Variants in PLEKHH2 observed in about 807,000 individuals in gnomAD.
PLEKHH2 encodes pleckstrin homology, MyTH4 and FERM domain containing H2, also known as pleckstrin homology domain-containing family H member 2.
A neutral mutation model predicts 187.9 loss-of-function variants in PLEKHH2; 129 were observed. That is an observed-to-expected ratio of 0.69 (90% CI 0.59 to 0.79). The LOEUF (loss-of-function observed/expected upper bound fraction) is 0.79. PLEKHH2 is among the 30% of genes least tolerant of loss of function. The probability of loss-of-function intolerance (pLI) is 0.00; values close to 1 mark genes in which losing one functional copy is unlikely to be tolerated. For synonymous variants in PLEKHH2, 686 were observed against 605.6 expected (o/e 1.13, Z -1.95); for missense variants, 2,076 against 1,751.2 (o/e 1.19, Z -3.31).
intron 2 of PLEKHH2, among the ~76,000 whole-genome samples, chr2:43,645,832 C>G (rs1350422814): frequency 6.6e-6 from 1 of 152,062 alleles, no homozygotes; most frequent in Non-Finnish European, 1.5e-5. Flanking sequence ...TTATTCAGAA[C>G]TGATCAGAAG....
chr2:43,678,591 TCGCAGGCACTC>T (rs1389984294), intron 2 of PLEKHH2, among the ~76,000 whole-genome samples: 2 of 152,100 alleles, frequency 1.3e-5, no homozygotes, highest in East Asian at 3.9e-4. Flanking sequence ...GCGCCTGCAA[TCGCAGGCACTC>T]GGCAGGCTGA....
At chr2:43,755,801 C>G (rs1672190752) in intron 25 of PLEKHH2, among the ~76,000 whole-genome samples, 1 of 152,148 alleles carries the variant, frequency 6.6e-6, no homozygotes, top group Non-Finnish European at 1.5e-5. Flanking sequence ...ATGTATATGA[C>G]TGCTTGTGCT....
At chr2:43,743,128 G>C (rs1480117620) in intron 22 of PLEKHH2, among the ~76,000 whole-genome samples, 1 of 152,162 alleles carries the variant, frequency 6.6e-6, no homozygotes, top group Non-Finnish European at 1.5e-5. Flanking sequence ...ACCAAATAAG[G>C]GATGGGCTTC....
At chr2:43,692,293 T>C (rs1668837873) in intron 3 of PLEKHH2, 1 of 363,190 alleles carries the variant, frequency 2.8e-6, no homozygotes, top group African/African-American at 2.1e-5. Flanking sequence ...GATAGCAATA[T>C]TCTGAGAATT....
intron 2 of PLEKHH2, chr2:43,675,307 G>A: frequency 2.9e-6 from 3 of 1,037,472 alleles, no homozygotes; most frequent in Middle Eastern, 2.3e-4. Context: ...CACTTACACT[G>A]TATCAGAATT....
At chr2:43,740,923 C>A (rs531716511) in intron 20 of PLEKHH2, 23 bp from the exon 21 acceptor site, 53 of 1,611,312 alleles carry the variant, frequency 3.3e-5, no homozygotes, top group Non-Finnish European at 4.3e-5. Flanking sequence ...GGTATCTAAC[C>A]TGTGGTGCTT....
intron 2 of PLEKHH2, among the ~76,000 whole-genome samples, chr2:43,678,381 C>T (rs189659049): frequency 6.6e-6 from 1 of 152,036 alleles, no homozygotes; most frequent in Non-Finnish European, 1.5e-5. Flanking sequence ...GAGGTTGTAG[C>T]GAGCCGAGAT....
intron 23 of PLEKHH2, 97 bp downstream of exon 23, chr2:43,744,086 G>A: frequency 6.8e-7 from 1 of 1,475,470 alleles, no homozygotes; most frequent in Non-Finnish European, 9.0e-7. Flanking sequence ...TAATTCAGGA[G>A]TTTTCCAAAA....
At chr2:43,689,603 G>A (rs1199861365) in intron 3 of PLEKHH2, among the ~76,000 whole-genome samples, 1 of 152,128 alleles carries the variant, frequency 6.6e-6, no homozygotes, top group Non-Finnish European at 1.5e-5. Flanking sequence ...TACCAAAGAA[G>A]GCTAAATCCT....
At position 43,726,494 on chromosome 2, in the gene PLEKHH2, A is replaced by G. The variant is rs757367859; in HGVS notation, c.2721+43A>G. On this transcript the variant is annotated intron_variant, in intron 17 of 29. Coordinates refer to ENST00000282406, the MANE Select transcript of PLEKHH2 (RefSeq NM_172069.4). The stretch of plus-strand genomic sequence containing the variant: ...GGTTGATTTAGAATGATGTAGACTA[A>G]TATTATTCAGATATTGGTAATAATT... The G allele has an allele frequency of 6.7e-6, 10 of 1,484,924 alleles. No individual in the cohort carries two copies. The Admixed American group carries it at 7.6e-5, about 11-fold the overall frequency. 92.0% of individuals were successfully genotyped at this position (1,484,924 alleles called of 1,614,324 possible). A position where few individuals can be genotyped will look rare whatever the true frequency, so the allele number is the denominator to read the frequency against.
chr2:43,647,708 A>G (rs1403592472), intron 2 of PLEKHH2, among the ~76,000 whole-genome samples: 3 of 152,126 alleles, frequency 2.0e-5, no homozygotes, highest in African/African-American at 7.2e-5. Flanking sequence ...GTTTTGTGTT[A>G]GCACCAGTCA....
At chr2:43,765,266 A>C in intron 29 of PLEKHH2, 147 bp from the exon 30 acceptor site, 1 of 663,932 alleles carries the variant, frequency 1.5e-6, no homozygotes, top group Non-Finnish European at 2.5e-6. Context: ...TGGACATGTA[A>C]GCACTTCATT....
At chr2:43,648,249 C>T (rs1231169498) in intron 2 of PLEKHH2, among the ~76,000 whole-genome samples, 4 of 152,094 alleles carry the variant, frequency 2.6e-5, no homozygotes, top group East Asian at 1.9e-4. Flanking sequence ...AGTGCAGTGG[C>T]GCCATCTCAG....
Position 43,720,760 on chromosome 2 carries a change from AT to A in PLEKHH2, c.2541+16del. ...AGTCAAGAAGATAAGGTATGTATGT[AT>A]TTTTAATATGCCAATTGAAGTAACT... On this transcript the variant is annotated intron_variant, in intron 16 of 29. Transcript: ENST00000282406. The A allele has an allele frequency of 6.3e-7, 1 of 1,593,030 alleles. No homozygotes were observed. The highest frequency in any genetic ancestry group is 8.5e-7 in the Non-Finnish European group (1 of 1,173,878).
intron 15 of PLEKHH2, among the ~76,000 whole-genome samples, chr2:43,718,118 A>G (rs1373482924): frequency 6.6e-6 from 1 of 152,212 alleles, no homozygotes; most frequent in African/African-American, 2.4e-5. Flanking sequence ...TACCTTTGTC[A>G]TGGAAGCATG....
intron 14 of PLEKHH2, 199 bp downstream of exon 14, chr2:43,710,774 T>C: frequency 7.4e-7 from 1 of 1,343,392 alleles, no homozygotes; most frequent in Non-Finnish European, 9.6e-7. Context: ...GTGTGTTGAG[T>C]AACTCCCACC....
chr2:43,757,166 T>C lies in PLEKHH2; in HGVS notation c.3843T>C (p.His1281=), dbSNP rs34841349. 1,660 of 1,601,562 alleles carry C rather than the reference T, an allele frequency of 1.0e-3. 14 individuals are homozygous for C. In the African/African-American group the frequency reaches 0.019, roughly 19 times the overall value. ...FERPFSTPAG[H]VTNQCKVNQT... is the part of the protein sequence containing the mutation. ...GACCTTTCTCAACTCCAGCAGGGCA[T>C]GTTACCAATCAGTGCAAAGTGAATC... The change falls in exon 26 of 30, where the codon CAT becomes CAC. Residue 1281 remains histidine (H), a synonymous_variant. Transcript: ENST00000282406.
At chr2:43,711,970 A>G in intron 14 of PLEKHH2, 2 of 1,195,752 alleles carry the variant, frequency 1.7e-6, no homozygotes, top group Admixed American at 8.4e-5. Context: ...AATAAACAAG[A>G]TATAAAATCA....
intron 24 of PLEKHH2, among the ~76,000 whole-genome samples, chr2:43,747,742 A>G: frequency 6.6e-6 from 1 of 152,212 alleles, no homozygotes; most frequent in Non-Finnish European, 1.5e-5. Context: ...AAATTAAGGA[A>G]TCTATAAAAT....
Sources: allele counts gnomAD v4.1 joint callset (sites outside exome capture counted in the v4.1 genomes callset), GRCh38; gene constraint gnomAD v4.1.1; transcripts MANE v1.5; gene names NCBI Gene and HGNC (gene_info 2026-07-23, HGNC 2026-07-21).